Variants in GBF1 observed in about 807,000 individuals in gnomAD.
The protein encoded by GBF1 is Golgi-specific brefeldin A-resistance guanine nucleotide exchange factor 1.
GBF1 carries 114 observed loss-of-function variants against 210.5 expected under a neutral mutation model. The ratio of observed to expected loss-of-function variants is 0.54; its 90% CI spans 0.47 to 0.63. The LOEUF (loss-of-function observed/expected upper bound fraction) is 0.63. Ranked by LOEUF, GBF1 falls within the 30% of genes least tolerant of loss-of-function variation. The pLI is 0.00. For synonymous variants in GBF1, 850 were observed against 889.2 expected (o/e 0.96, Z 0.78); for missense variants, 1,851 against 2,357.7 (o/e 0.79, Z 4.45).
chr10:102,255,109 C>T (rs567998661), intron 1 of GBF1, among the ~76,000 whole-genome samples: 4 of 152,184 alleles, frequency 2.6e-5, no homozygotes, highest in South Asian at 4.1e-4. Context: ...GGCGCGATCT[C>T]GGCTCACTGT....
chr10:102,304,287 C>T (rs115537562), intron 3 of GBF1, among the ~76,000 whole-genome samples: 1,560 of 152,284 alleles, frequency 0.01, 21 homozygotes, highest in African/African-American at 0.036. Context: ...TCCTCACAGT[C>T]ATGGGCCACA....
At chr10:102,308,862 A>G (rs1186829305) in intron 3 of GBF1, among the ~76,000 whole-genome samples, 3 of 151,920 alleles carry the variant, frequency 2.0e-5, no homozygotes, top group Non-Finnish European at 2.9e-5. Flanking sequence ...GTACCCTAAA[A>G]CTTAAAGTAT....
At chr10:102,232,141 G>C in the GBF1 span, 1 of 1,011,474 alleles carries the variant, frequency 9.9e-7, no homozygotes, top group African/African-American at 1.6e-5. Context: ...TAAAATCTCC[G>C]GCTTAGCTAG....
At chr10:102,296,695 C>T (rs1324524869) in intron 3 of GBF1, among the ~76,000 whole-genome samples, 6 of 149,950 alleles carry the variant, frequency 4.0e-5, no homozygotes, top group East Asian at 2.0e-4. Flanking sequence ...GAGCTGAGAT[C>T]GTGCCACTGC....
chr10:102,309,652 C>T (rs1445070337), intron 3 of GBF1, among the ~76,000 whole-genome samples: 1 of 152,094 alleles, frequency 6.6e-6, no homozygotes, highest in Non-Finnish European at 1.5e-5. Flanking sequence ...TGAGATAAGG[C>T]TGGTTTGGGG....
intron 29 of GBF1, among the ~76,000 whole-genome samples, chr10:102,371,820 T>C (rs1440420203): frequency 6.6e-6 from 1 of 151,802 alleles, no homozygotes; most frequent in Admixed American, 6.6e-5. Flanking sequence ...TCCTAGCTAC[T>C]TGGGAGGCTG....
At chr10:102,269,896 T>TG (rs1337165340) in intron 3 of GBF1, among the ~76,000 whole-genome samples, 5 of 151,870 alleles carry the variant, frequency 3.3e-5, no homozygotes. Context: ...TTTTTTTTTT[T>TG]GAGACGGAAT....
At chr10:102,265,714 A>T (rs145060108) in intron 3 of GBF1, among the ~76,000 whole-genome samples, 77 of 151,996 alleles carry the variant, frequency 5.1e-4, no homozygotes, top group South Asian at 8.3e-4. Flanking sequence ...AATGAATGAA[A>T]GAAAGTATCA....
intron 3 of GBF1, among the ~76,000 whole-genome samples, chr10:102,306,548 C>T (rs907728666): frequency 1.2e-4 from 18 of 152,174 alleles, no homozygotes; most frequent in African/African-American, 4.1e-4. Context: ...CTCAGCCTCC[C>T]GAGTAGCTGG....
chr10:102,339,300 T>C (rs2058007357), intron 3 of GBF1, among the ~76,000 whole-genome samples: 1 of 151,584 alleles, frequency 6.6e-6, no homozygotes, highest in African/African-American at 2.4e-5. Flanking sequence ...GAGGTAGAGG[T>C]TGCAGTGAGC....
At chr10:102,240,932 C>T (rs1428349482), upstream of GBF1, among the ~76,000 whole-genome samples, 1 of 152,200 alleles carries the variant, frequency 6.6e-6, no homozygotes, top group Non-Finnish European at 1.5e-5. Flanking sequence ...GTCAACTGCC[C>T]CCACACTGGG....
chr10:102,368,724 G>A lies in GBF1; in HGVS notation c.2880-15G>A. On this transcript the variant is annotated splice_polypyrimidine_tract_variant and intron_variant, in intron 22 of 39. Transcript: ENST00000369983. Reference sequence around the variant, plus strand: ...TCCAGTGACTCTGTTTCTGGGATGGGGGGTAACATTACAGGAAGTGCGCCA... The same window carrying A: ...TCCAGTGACTCTGTTTCTGGGATGGAGGGTAACATTACAGGAAGTGCGCCA... The A allele has an allele frequency of 1.9e-6, 3 of 1,590,218 alleles. No individual in the cohort carries two copies. The highest frequency in any genetic ancestry group is 2.6e-6 in the Non-Finnish European group (3 of 1,158,534).
chr10:102,288,736 CA>C (rs551813534), intron 3 of GBF1, among the ~76,000 whole-genome samples: 12 of 130,506 alleles, frequency 9.2e-5, no homozygotes, highest in Admixed American at 5.8e-4. Flanking sequence ...AAAAAAAAAA[CA>C]AAAAAAAAAA....
intron 3 of GBF1, among the ~76,000 whole-genome samples, chr10:102,296,753 A>G (rs981100022): frequency 1.3e-5 from 2 of 151,850 alleles, no homozygotes; most frequent in African/African-American, 4.8e-5. Flanking sequence ...AAAAAAAAAA[A>G]AGAATTGTAG....
chr10:102,313,935 C>A (rs559306950), intron 3 of GBF1, among the ~76,000 whole-genome samples: 1 of 152,142 alleles, frequency 6.6e-6, no homozygotes, highest in South Asian at 2.1e-4. Flanking sequence ...CCACCTCTAC[C>A]CTTTAATTTA....
intron 3 of GBF1, among the ~76,000 whole-genome samples, chr10:102,315,467 C>T (rs2078847224): frequency 6.6e-6 from 1 of 152,186 alleles, no homozygotes; most frequent in Non-Finnish European, 1.5e-5. Context: ...CCAACCTTTT[C>T]AGCACCAGGG....
At chr10:102,333,632 G>A (rs373182188) in intron 3 of GBF1, among the ~76,000 whole-genome samples, 105 of 152,074 alleles carry the variant, frequency 6.9e-4, no homozygotes, top group African/African-American at 1.8e-3. Flanking sequence ...TCACTATGTC[G>A]CCCAGGCTGG....
Position 102,359,292 on chromosome 10 carries a change from C to A in GBF1, c.1037C>A (p.Ser346Tyr), listed in dbSNP as rs2059459776. 6.2e-7 allele frequency: 1 copy of A among 1,612,710 alleles called. No homozygotes were observed. Among genetic ancestry groups the A allele is most frequent in the Non-Finnish European group, 8.5e-7 (1 of 1,178,724 alleles). ...CAGGAAGGGACCCATGTGGAAAAGT[C>A]CCAGTCAGCATCTGTGGAGTCCATC... The part of the protein sequence containing the change: ...LQQEGTHVEK[S>Y]QSASVESIPE... Residue 346 changes from serine (S) to tyrosine (Y), a missense_variant, in exon 11 of 40, where the codon TCC becomes TAC. This residue lies in a region of GBF1 where 804 missense variants were observed against 958.6 expected (regional missense o/e 0.84). Coordinates refer to ENST00000369983, the MANE Select transcript of GBF1 (RefSeq NM_001377137.1).
chr10:102,329,954 T>TA (rs2057213650), intron 3 of GBF1, among the ~76,000 whole-genome samples: 1 of 151,844 alleles, frequency 6.6e-6, no homozygotes, highest in South Asian at 2.1e-4. Flanking sequence ...ACAAAAAATT[T>TA]AAAAAATTAG....
Sources: allele counts gnomAD v4.1 joint callset (sites outside exome capture counted in the v4.1 genomes callset), GRCh38; gene constraint gnomAD v4.1.1; regional missense constraint gnomAD v4.1.1; transcripts MANE v1.5; gene names NCBI Gene and HGNC (gene_info 2026-07-23, HGNC 2026-07-21).